Variants in MAN2A1 observed in about 807,000 individuals in gnomAD.
The protein encoded by MAN2A1 is mannosidase alpha class 2A member 1.
In MAN2A1, 76 loss-of-function variants were observed where a neutral mutation model predicts 142.6. The observed-to-expected ratio is 0.53, with a 90% confidence interval of 0.44 to 0.65. The LOEUF is 0.65. Among genes scored for constraint, MAN2A1 ranks in the 30% least tolerant of loss-of-function variants. The pLI is 0.00. For missense variants in MAN2A1, 1,311 were observed against 1,365.1 expected (o/e 0.96, Z 0.62); for synonymous variants, 559 against 473.2 (o/e 1.18, Z -2.35).
At chr5:109,691,413 A>G (rs549766429) in intron 1 of MAN2A1, among the ~76,000 whole-genome samples, 1 of 152,302 alleles carries the variant, frequency 6.6e-6, no homozygotes, top group Admixed American at 6.5e-5. Flanking sequence ...GAAACTGGGT[A>G]TTGTGTAGTG....
At chr5:109,805,771 A>G (rs1754148368) in intron 12 of MAN2A1, among the ~76,000 whole-genome samples, 1 of 152,240 alleles carries the variant, frequency 6.6e-6, no homozygotes, top group Non-Finnish European at 1.5e-5. Context: ...TTAATCATTT[A>G]TAAAGCAATC....
At chr5:109,802,507 A>T (rs557981027) in intron 12 of MAN2A1, among the ~76,000 whole-genome samples, 1 of 152,290 alleles carries the variant, frequency 6.6e-6, no homozygotes, top group South Asian at 2.1e-4. Context: ...GAAATTGCTT[A>T]AAATAATTAG....
intron 13 of MAN2A1, 24 bp downstream of exon 13, chr5:109,817,462 AG>A (rs1158558371): frequency 6.2e-7 from 1 of 1,611,596 alleles, no homozygotes; most frequent in African/African-American, 1.3e-5. Flanking sequence ...ATAGAACTTA[AG>A]GAGGCATTGT....
At chr5:109,810,567 A>C (rs1041301161) in intron 12 of MAN2A1, among the ~76,000 whole-genome samples, 1 of 152,162 alleles carries the variant, frequency 6.6e-6, no homozygotes, top group African/African-American at 2.4e-5. Context: ...GAAAAAATCA[A>C]CTGTGTACCT....
At chr5:109,758,715 CTATT>C (rs1210567351) in intron 5 of MAN2A1, among the ~76,000 whole-genome samples, 4 of 148,198 alleles carry the variant, frequency 2.7e-5, no homozygotes, top group Non-Finnish European at 5.9e-5. Flanking sequence ...GTTAATATAA[CTATT>C]AATATAATTG....
Position 109,798,071 on chromosome 5 carries a change from G to C in MAN2A1, c.1943+8544G>C, listed in dbSNP as rs533849788. 2.6e-5 allele frequency among the ~76,000 whole-genome samples: 4 copies of C among 152,288 alleles called. No individual in the cohort carries two copies. The South Asian group carries it at 8.3e-4, about 32-fold the overall frequency. On this transcript the variant is annotated intron_variant, in intron 12 of 21. Coordinates refer to ENST00000261483, the MANE Select transcript of MAN2A1 (RefSeq NM_002372.4). The stretch of plus-strand genomic sequence containing the variant: ...AAAATGAAGAATTAAAAAGGCATTG[G>C]AAACAATTAGACGTAGTGAAATCTA...
chr5:109,750,963 T>C (rs1476250882), intron 4 of MAN2A1, among the ~76,000 whole-genome samples: 1 of 152,128 alleles, frequency 6.6e-6, no homozygotes, highest in Non-Finnish European at 1.5e-5. Flanking sequence ...TTGAGTATCA[T>C]TTCTAAGTGT....
At position 109,868,501 on chromosome 5, in the gene MAN2A1, T is replaced by C. The variant is rs1755936653; in HGVS notation, c.*1503T>C. 1 of 152,186 alleles carries C rather than the reference T, an allele frequency of 6.6e-6. No homozygotes were observed. Among genetic ancestry groups the C allele is most frequent in the Admixed American group, 6.5e-5 (1 of 15,280 alleles). The allele number at this position is 152,186 out of a possible 1,614,324, so 9.4% of individuals were successfully genotyped here. A position where few individuals can be genotyped will look rare whatever the true frequency, so the allele number is the denominator to read the frequency against. ...CATATTCTGTGGCTTTCAACCTCCA[T>C]TTACCTCTTGTCATTCCAACATCTT... On this transcript the variant is annotated 3_prime_UTR_variant, in exon 22 of 22. Transcript: ENST00000261483.
rs534832517 is a variant in MAN2A1, at chr5:109,717,707, A to G, written c.535+1443A>G. On this transcript the variant is annotated intron_variant, in intron 3 of 21. Coordinates refer to ENST00000261483, the MANE Select transcript of MAN2A1 (RefSeq NM_002372.4). ...TGGAGCTAGGCAGAATGAGGCAGGT[A>G]TCTTGGCTCTGCGGTGTATTGCCTG... is the stretch of plus-strand genomic sequence containing the variant. 3.9e-5 allele frequency among the ~76,000 whole-genome samples: 6 copies of G among 152,304 alleles called. No individual in the cohort carries two copies. The East Asian group carries it at 5.8e-4, about 15-fold the overall frequency.
chr5:109,739,061 T>G (rs1752191254), intron 4 of MAN2A1, among the ~76,000 whole-genome samples: 1 of 152,024 alleles, frequency 6.6e-6, no homozygotes, highest in South Asian at 2.1e-4. Context: ...AGGCTGGTCT[T>G]GAACCCTTGG....
chr5:109,780,913 C>T (rs1351527747), intron 8 of MAN2A1, among the ~76,000 whole-genome samples: 1 of 152,014 alleles, frequency 6.6e-6, no homozygotes, highest in Non-Finnish European at 1.5e-5. Context: ...TGGGGGAAAA[C>T]GGAGATAGAG....
chr5:109,851,392 G>C (rs928753772), intron 19 of MAN2A1, among the ~76,000 whole-genome samples: 6 of 152,196 alleles, frequency 3.9e-5, no homozygotes, highest in Non-Finnish European at 5.9e-5. Flanking sequence ...GTAATGTTGG[G>C]AGTGGGACCT....
In MAN2A1 at chr5:109,811,573, C is replaced by T. The variant is rs555527239; in HGVS notation, c.1944-5700C>T. On this transcript the variant is annotated intron_variant, in intron 12 of 21. Transcript: ENST00000261483. ...GAAGATTGTTAATCTTCCTAACAGC[C>T]GTGTGTGTGTGTGTGTGTGTGTGTG... Among the ~76,000 whole-genome samples, 88 of 145,014 alleles carry T rather than the reference C, an allele frequency of 6.1e-4. 1 individual carries two copies. The highest frequency in any genetic ancestry group is 2.2e-3 in the African/African-American group (85 of 39,194).
At chr5:109,779,793 T>G (rs1278472157) in intron 8 of MAN2A1, among the ~76,000 whole-genome samples, 1 of 152,184 alleles carries the variant, frequency 6.6e-6, no homozygotes, top group African/African-American at 2.4e-5. Flanking sequence ...TTGCCCAAGA[T>G]CACTCTCTGT....
chr5:109,853,758 T>G (rs1334343880), intron 19 of MAN2A1: 1 of 152,216 alleles, frequency 6.6e-6, no homozygotes, highest in African/African-American at 2.4e-5. Context: ...GTTGAAATTG[T>G]TCCCTCTCTA....
chr5:109,739,993 A>G (rs1007139286), intron 4 of MAN2A1, among the ~76,000 whole-genome samples: 1 of 152,146 alleles, frequency 6.6e-6, no homozygotes, highest in Non-Finnish European at 1.5e-5. Flanking sequence ...AGCACCTTGC[A>G]TTTGCAAGAC....
chr5:109,856,305 G>C (rs1755604368), intron 20 of MAN2A1, among the ~76,000 whole-genome samples: 1 of 152,104 alleles, frequency 6.6e-6, no homozygotes, highest in African/African-American at 2.4e-5. Context: ...AAGTTCAAAA[G>C]TATTTTTTTC....
At chr5:109,819,105 T>C (rs1478823849) in intron 13 of MAN2A1, among the ~76,000 whole-genome samples, 1 of 152,220 alleles carries the variant, frequency 6.6e-6, no homozygotes, top group Non-Finnish European at 1.5e-5. Flanking sequence ...CTATTCTATT[T>C]TTCGCTTTCA....
chr5:109,746,203 G>C (rs750596349), intron 4 of MAN2A1, among the ~76,000 whole-genome samples: 1 of 152,186 alleles, frequency 6.6e-6, no homozygotes, highest in Non-Finnish European at 1.5e-5. Context: ...TTGAACTCCT[G>C]ACCTCAAGTG....
Sources: allele counts gnomAD v4.1 joint callset (sites outside exome capture counted in the v4.1 genomes callset), GRCh38; gene constraint gnomAD v4.1.1; transcripts MANE v1.5; gene names NCBI Gene and HGNC (gene_info 2026-07-23, HGNC 2026-07-21).